The following SBNO2 variants were observed in gnomAD, a reference collection of about 807,000 sequenced individuals.
SBNO2 encodes the protein strawberry notch homolog 2, also known as protein strawberry notch homolog 2.
A neutral mutation model predicts 146.3 loss-of-function variants in SBNO2; 89 were observed. The ratio of observed to expected loss-of-function variants is 0.61; its 90% CI spans 0.51 to 0.73. SBNO2 has a LOEUF of 0.73. SBNO2 is among the 30% of genes least tolerant of loss of function. The pLI is 0.00. For synonymous variants in SBNO2, 1,147 were observed against 892.6 expected (o/e 1.29, Z -5.08); for missense variants, 2,092 against 2,003.7 (o/e 1.04, Z -0.84).
At chr19:1,151,046 GC>G (rs2080237935) in intron 2 of SBNO2, among the ~76,000 whole-genome samples, 1 of 152,274 alleles carries the variant, frequency 6.6e-6, no homozygotes, top group Admixed American at 6.5e-5. Context: ...CGGGCCACCA[GC>G]CACAGGGGCT....
rs1040802141 is a variant in SBNO2 at position 1,114,214 on chromosome 19, C to G, written c.2077+17G>C. On this transcript the variant is annotated intron_variant, in intron 18 of 31. Transcript: ENST00000361757. ...TCCTGACCCACAGGTGGCTGGCCAG[C>G]CTGGGCAAGCCCTCACCCCGGTCGT... is the stretch of plus-strand genomic sequence containing the variant. 1.4e-6 allele frequency: 2 copies of G among 1,432,248 alleles called. No individual in the cohort carries two copies. Among genetic ancestry groups the G allele is most frequent in the African/African-American group, 2.9e-5 (2 of 68,012 alleles). The allele number at this position is 1,432,248 out of a possible 1,614,324, so 88.7% of individuals were successfully genotyped here.
At chr19:1,154,540 G>A (rs916258230) in intron 1 of SBNO2, 138 bp from the exon 2 acceptor site, 15 of 358,100 alleles carry the variant, frequency 4.2e-5, no homozygotes, top group South Asian at 3.0e-4. Context: ...ACCAAAAGGC[G>A]CTCCTTCCCC....
In SBNO2 at chr19:1,110,953, C is replaced by A; in HGVS notation, c.2885-65G>T. 1 of 1,610,742 alleles carries A rather than the reference C, an allele frequency of 6.2e-7. No individual in the cohort carries two copies. The highest frequency in any genetic ancestry group is 1.3e-5 in the African/African-American group (1 of 74,972). On this transcript the variant is annotated intron_variant, in intron 25 of 31. Coordinates refer to ENST00000361757, the MANE Select transcript of SBNO2 (RefSeq NM_014963.3). This position sits in a 1 kb window ranked among gnomAD's most constrained non-coding sequence, Gnocchi z 4.9. ...ATCCCTCTCCCTGCTTTGCTCACCA[C>A]CCGAGGCCAAGGTTGCATGAGATGA... is the stretch of plus-strand genomic sequence containing the variant.
chr19:1,113,269 C>T (rs920853314), intron 19 of SBNO2, among the ~76,000 whole-genome samples: 4 of 152,074 alleles, frequency 2.6e-5, no homozygotes, highest in Non-Finnish European at 4.4e-5. Flanking sequence ...GTTCAGGCAA[C>T]GATCTAAGCA....
intron 2 of SBNO2, 31 bp from the exon 3 acceptor site, chr19:1,149,473 G>A (rs1003164439): frequency 2.6e-6 from 4 of 1,543,040 alleles, no homozygotes; most frequent in African/African-American, 2.7e-5. Flanking sequence ...CAGTGAGTGG[G>A]AAGCAGAGGA....
chr19:1,120,700 C>T (rs1438223962), intron 11 of SBNO2, among the ~76,000 whole-genome samples: 1 of 151,786 alleles, frequency 6.6e-6, no homozygotes, highest in African/African-American at 2.4e-5. Context: ...GACGAAGTCT[C>T]GCTCTGTCAC....
chr19:1,147,531 AG>A, intron 3 of SBNO2, 111 bp from the exon 4 acceptor site: 1 of 595,940 alleles, frequency 1.7e-6, no homozygotes, highest in Non-Finnish European at 2.8e-6. Context: ...GCCCCACTGG[AG>A]TGTGCCCAGC....
rs2080230870 is a variant in SBNO2, at chr19:1,150,363, C to A, written c.94-921G>T. Among the ~76,000 whole-genome samples the A allele has an allele frequency of 6.6e-6, 1 of 152,058 alleles. No individual in the cohort carries two copies. Among genetic ancestry groups the A allele is most frequent in the African/African-American group, 2.4e-5 (1 of 41,414 alleles). On this transcript the variant is annotated intron_variant, in intron 2 of 31. Coordinates refer to ENST00000361757, the MANE Select transcript of SBNO2 (RefSeq NM_014963.3). This position sits in a 1 kb window ranked among gnomAD's most constrained non-coding sequence, Gnocchi z 6.2. ...AGGGCTGTGGACACCTCGTGCCCTG[C>A]AGAATGGGCACCCCTCAGCAGGGCC...
At position 1,119,193 on chromosome 19, in the gene SBNO2, C is replaced by T. The variant is rs762119423; in HGVS notation, c.1374-29G>A. 98 of 1,572,022 alleles carry T rather than the reference C, an allele frequency of 6.2e-5. No individual in the cohort carries two copies. In the Admixed American group the frequency reaches 1.3e-3, roughly 20 times the overall value. On this transcript the variant is annotated intron_variant, in intron 13 of 31. Transcript: ENST00000361757. ...CGGATGGACACAGCCCCCGTGAGCA[C>T]GGCCAGAGCCCGTGGGGATGGAGCC...
chr19:1,113,791 G>A, intron 18 of SBNO2, 87 bp from the exon 19 acceptor site: 13 of 1,380,382 alleles, frequency 9.4e-6, no homozygotes, highest in African/African-American at 1.5e-5. Flanking sequence ...GGAGGGCAAG[G>A]ACAAGGGGCC....
At chr19:1,120,361 G>C (rs1032616641) in intron 11 of SBNO2, among the ~76,000 whole-genome samples, 1 of 152,186 alleles carries the variant, frequency 6.6e-6, no homozygotes, top group South Asian at 2.1e-4. Flanking sequence ...CCTGGAACCT[G>C]TTTTCTTTTT....
intron 1 of SBNO2, among the ~76,000 whole-genome samples, chr19:1,171,038 C>T (rs1337381485): frequency 1.3e-5 from 2 of 151,998 alleles, no homozygotes; most frequent in South Asian, 4.2e-4. Flanking sequence ...ACACACATAA[C>T]CGACTCATGA....
chr19:1,119,432 G>C, intron 13 of SBNO2, 84 bp downstream of exon 13: 1 of 1,098,062 alleles, frequency 9.1e-7, no homozygotes, highest in Non-Finnish European at 1.3e-6. Context: ...AGCACACGTG[G>C]CAGTGCCAGG....
At chr19:1,124,356 G>A (rs1338990090) in intron 5 of SBNO2, among the ~76,000 whole-genome samples, 1 of 152,228 alleles carries the variant, frequency 6.6e-6, no homozygotes, top group African/African-American at 2.4e-5. Context: ...TGGTCCCGCG[G>A]GAGCTGCCAG....
At position 1,109,021 on chromosome 19, in the gene SBNO2, G is replaced by T; in HGVS notation, c.3426-52C>A. The T allele has an allele frequency of 6.7e-7, 1 of 1,489,218 alleles. No homozygotes were observed. The highest frequency in any genetic ancestry group is 8.9e-7 in the Non-Finnish European group (1 of 1,122,006). 92.3% of individuals were successfully genotyped at this position (1,489,218 alleles called of 1,614,324 possible). A position where few individuals can be genotyped will look rare whatever the true frequency, so the allele number is the denominator to read the frequency against. ...TCAGGCGGGTCCCAGGGGCCCGCAG[G>T]CTCCCCAGGTGCCCTGAGATCTCCC... On this transcript the variant is annotated intron_variant, in intron 30 of 31. Transcript: ENST00000361757. This position sits in a 1 kb window ranked among gnomAD's most constrained non-coding sequence, Gnocchi z 4.2.
chr19:1,157,322 C>A lies in SBNO2; in HGVS notation c.-126-2920G>T, dbSNP rs2080300060. On this transcript the variant is annotated intron_variant, in intron 1 of 31. Transcript: ENST00000361757. This position sits in a 1 kb window ranked among gnomAD's most constrained non-coding sequence, Gnocchi z 6.8. Reference sequence around the variant, plus strand: ...GGGGCCTGAGAACACCCCAACGCAGCCTCTGCCACGCAGCCCCGGAGACGC... The same window carrying A: ...GGGGCCTGAGAACACCCCAACGCAGACTCTGCCACGCAGCCCCGGAGACGC... 6.6e-6 allele frequency among the ~76,000 whole-genome samples: 1 copy of A among 151,362 alleles called. No homozygotes were observed. The highest frequency in any genetic ancestry group is 2.5e-5 in the African/African-American group (1 of 40,704).
intron 23 of SBNO2, 107 bp from the exon 24 acceptor site, chr19:1,111,721 C>A: frequency 1.2e-6 from 1 of 847,120 alleles, no homozygotes; most frequent in South Asian, 1.6e-5. Context: ...TGGACCCTGC[C>A]CTCCCCTAGA....
In SBNO2 at chr19:1,170,722, G is replaced by A. The variant is rs116127572; in HGVS notation, c.-127+3450C>T. 4.9e-3 allele frequency among the ~76,000 whole-genome samples: 747 copies of A among 152,054 alleles called. 6 individuals carry two copies. Among genetic ancestry groups the A allele is most frequent in the African/African-American group, 0.017 (704 of 41,440 alleles). ...CACAAGCAGGGGTGCATGAGAACAC[G>A]CAGCACGCACACAACACACACAACG... On this transcript the variant is annotated intron_variant, in intron 1 of 31. Coordinates refer to ENST00000361757, the MANE Select transcript of SBNO2 (RefSeq NM_014963.3).
rs567332623 is a variant in SBNO2 at position 1,111,237 on chromosome 19, A to G, written c.2810-144T>C. On this transcript the variant is annotated intron_variant, in intron 24 of 31. Coordinates refer to ENST00000361757, the MANE Select transcript of SBNO2 (RefSeq NM_014963.3). ...GGGCCAGGGCCAGGGCCAGGAGCGG[A>G]GCCTTTTGCCTGACTTACAGGAGTG... 1.9e-5 allele frequency: 18 copies of G among 958,128 alleles called. No individual in the cohort carries two copies. The East Asian group carries it at 4.2e-4, about 22-fold the overall frequency. 59.4% of individuals were successfully genotyped at this position (958,128 alleles called of 1,614,324 possible). A position where few individuals can be genotyped will look rare whatever the true frequency, so the allele number is the denominator to read the frequency against.
Sources: gnomAD v4.1 joint callset for allele counts (sites outside exome capture counted in the v4.1 genomes callset) on GRCh38, gnomAD v4.1.1 for gene constraint, Gnocchi (gnomAD v3.1) non-coding constraint, MANE v1.5 for transcripts, NCBI Gene and HGNC (gene_info 2026-07-23, HGNC 2026-07-21) for gene names.